UTP18: variants seen among roughly 807,000 people sequenced by gnomAD.
UTP18 encodes UTP18 small subunit processome component, also known as U3 small nucleolar RNA-associated protein 18 homolog.
Under a neutral mutation model 61.1 loss-of-function variants are expected in UTP18, and 36 were observed. The observed-to-expected ratio is 0.59, with a 90% confidence interval of 0.45 to 0.78. The LOEUF (loss-of-function observed/expected upper bound fraction) is 0.78, where lower values mean the gene tolerates loss of function less well. Ranked by LOEUF, UTP18 falls within the 30% of genes least tolerant of loss-of-function variation. UTP18 has a pLI of 0.00. For missense variants in UTP18, 753 were observed against 693.9 expected, an observed-to-expected ratio of 1.09 and a Z score of -0.96; for synonymous variants, 282 against 251.1, an observed-to-expected ratio of 1.12 and a Z score of -1.16.
intron 4 of UTP18, among the ~76,000 whole-genome samples, chr17:51,272,254 A>G (rs1192608332): frequency 2.0e-5 from 3 of 151,954 alleles, no homozygotes; most frequent in African/African-American, 7.3e-5. Context: ...ATAAGCCATC[A>G]TGCCCAGTTA....
In UTP18 at chr17:51,268,948, T is replaced by C. The variant is rs772439408; in HGVS notation, c.622+44T>C. 3 of 1,568,732 alleles carry C rather than the reference T, an allele frequency of 1.9e-6. No individual in the cohort carries two copies. The South Asian group carries it at 3.3e-5, about 17-fold the overall frequency. On this transcript the variant is annotated intron_variant, in intron 4 of 13. Transcript: ENST00000225298. Reference sequence around the variant, plus strand: ...GTTTAAATTAGTACATAAGTCCCTGTTCCTGTTCGTTATTATTTGAGCTTT... The same window carrying C: ...GTTTAAATTAGTACATAAGTCCCTGCTCCTGTTCGTTATTATTTGAGCTTT...
chr17:51,265,529 C>CTG, intron 2 of UTP18, among the ~76,000 whole-genome samples: 1 of 143,742 alleles, frequency 7.0e-6, no homozygotes, highest in Non-Finnish European at 1.5e-5. Context: ...TCCCAAAGTG[C>CTG]TGGGATTGCA....
rs554015891 is a variant in UTP18, at chr17:51,286,460, C to G, written c.1328+1092C>G. On this transcript the variant is annotated intron_variant, in intron 10 of 13. Transcript: ENST00000225298. The stretch of plus-strand genomic sequence containing the variant: ...CCAGAAACTTAGCATACTCTCTACT[C>G]TTTGTTCACTCTCTCCTTCCAGGTT... 32 of 456,202 alleles carry G rather than the reference C, an allele frequency of 7.0e-5. 1 individual carries two copies. The Middle Eastern group carries it at 1.6e-3, about 23-fold the overall frequency. The allele number at this position is 456,202 out of a possible 1,614,324, so 28.3% of individuals were successfully genotyped here.
In UTP18 at chr17:51,260,760, C is replaced by T. The variant is rs568030637; in HGVS notation, c.176C>T (p.Ala59Val). The change falls in exon 1 of 14, where the codon GCT becomes GTT. Residue 59 changes from alanine (A) to valine (V), a missense_variant. Transcript: ENST00000225298. Reference sequence around the variant, plus strand: ...CCGGCCCGGCCGAGCGCGGCGGCCGCTGCGATTGCAGTCGCGGCGGCGGAG... The same window carrying T: ...CCGGCCCGGCCGAGCGCGGCGGCCGTTGCGATTGCAGTCGCGGCGGCGGAG... ...KPPARPSAAA[A>V]AIAVAAAEEE... 133 of 1,582,280 alleles carry T rather than the reference C, an allele frequency of 8.4e-5. 2 individuals are homozygous for T. In the African/African-American group the frequency reaches 1.7e-3, roughly 20 times the overall value.
intron 1 of UTP18, among the ~76,000 whole-genome samples, chr17:51,262,458 A>AT (rs1382523636): frequency 3.9e-5 from 6 of 152,080 alleles, no homozygotes; most frequent in Admixed American, 3.3e-4. Flanking sequence ...TGGTATATTT[A>AT]TTTTTTACTT....
intron 7 of UTP18, among the ~76,000 whole-genome samples, chr17:51,278,812 A>G (rs1485105995): frequency 2.0e-5 from 3 of 152,224 alleles, no homozygotes; most frequent in African/African-American, 7.2e-5. Context: ...TACCCTTAAT[A>G]GGCATAGTGG....
chr17:51,271,284 A>G (rs930875794), intron 4 of UTP18, among the ~76,000 whole-genome samples: 1 of 152,058 alleles, frequency 6.6e-6, no homozygotes, highest in African/African-American at 2.4e-5. Flanking sequence ...TAATACGTAT[A>G]TTAAATGTCT....
At chr17:51,290,263 A>G (rs998096123) in intron 11 of UTP18, among the ~76,000 whole-genome samples, 1 of 152,130 alleles carries the variant, frequency 6.6e-6, no homozygotes, top group African/African-American at 2.4e-5. Context: ...TAAAATTACA[A>G]ATATTAGCTG....
intron 10 of UTP18, among the ~76,000 whole-genome samples, chr17:51,287,588 T>G (rs1318710528): frequency 1.3e-5 from 2 of 152,062 alleles, no homozygotes; most frequent in Non-Finnish European, 2.9e-5. Flanking sequence ...TTAGAAGAGA[T>G]AATATGCATG....
intron 11 of UTP18, among the ~76,000 whole-genome samples, chr17:51,289,191 G>GT (rs1274526091): frequency 1.6e-4 from 15 of 94,886 alleles, no homozygotes; most frequent in South Asian, 3.9e-4. Flanking sequence ...AGACCTTTCT[G>GT]TTTTTTTTGT....
chr17:51,277,346 A>C, intron 7 of UTP18, 42 bp downstream of exon 7: 1 of 1,603,300 alleles, frequency 6.2e-7, no homozygotes, highest in Non-Finnish European at 8.5e-7. Context: ...CATTCCCCCC[A>C]AGGTGAGTTT....
chr17:51,280,984 C>T (rs772844177), intron 9 of UTP18, among the ~76,000 whole-genome samples: 7 of 151,774 alleles, frequency 4.6e-5, no homozygotes, highest in Non-Finnish European at 1.0e-4. Context: ...TTAAGACCAG[C>T]CTGGCCAACA....
intron 1 of UTP18, among the ~76,000 whole-genome samples, chr17:51,261,239 C>T (rs1391980922): frequency 6.6e-6 from 1 of 152,250 alleles, no homozygotes; most frequent in African/African-American, 2.4e-5. Context: ...TCTTCCCAAA[C>T]TGAGGGTGGT....
chr17:51,279,933 A>G (rs374245189), intron 7 of UTP18, 72 bp from the exon 8 acceptor site: 4 of 1,243,856 alleles, frequency 3.2e-6, no homozygotes, highest in African/African-American at 1.5e-5. Flanking sequence ...TAAGAAACTC[A>G]TTTGTCAATA....
At chr17:51,265,299 T>TA (rs1167604561) in intron 2 of UTP18, among the ~76,000 whole-genome samples, 1 of 151,864 alleles carries the variant, frequency 6.6e-6, no homozygotes, top group Non-Finnish European at 1.5e-5. Context: ...GTTTTGCTCT[T>TA]CTTGCCTGGG....
intron 3 of UTP18, among the ~76,000 whole-genome samples, chr17:51,266,779 T>C (rs910821598): frequency 1.3e-5 from 2 of 152,184 alleles, no homozygotes; most frequent in Non-Finnish European, 1.5e-5. Context: ...CCTAAGAAAA[T>C]TAACAGTTTA....
intron 2 of UTP18, among the ~76,000 whole-genome samples, chr17:51,265,421 G>A (rs565670998): frequency 1.3e-5 from 2 of 151,570 alleles, no homozygotes; most frequent in South Asian, 2.1e-4. Context: ...CTGCCACCAC[G>A]CTGGACTAAT....
chr17:51,288,193 C>A lies in UTP18; in HGVS notation c.1493C>A (p.Ala498Glu). 1 of 1,583,924 alleles carries A rather than the reference C, an allele frequency of 6.3e-7. No homozygotes were observed. Among genetic ancestry groups the A allele is most frequent in the Non-Finnish European group, 8.5e-7 (1 of 1,171,858 alleles). The change falls in exon 11 of 14, where the codon GCA (alanine) becomes GAA (glutamate). Residue 498 changes from alanine (A) to glutamate (E), a missense_variant. Ala to Glu is a moderately radical substitution (Grantham distance 107, BLOSUM62 -1). Transcript: ENST00000225298. ...ATTGCTTCAGAAAAAATGAAAGAAG[C>A]AGTCAGATTGGTAAATATTTCATTA... ...LAIASEKMKE[A>E]VRLVHLPSCT...
At chr17:51,265,031 T>C (rs543239370) in intron 2 of UTP18, among the ~76,000 whole-genome samples, 40 of 152,288 alleles carry the variant, frequency 2.6e-4, no homozygotes, top group African/African-American at 9.4e-4. Context: ...TTGGAGACTT[T>C]TTAAATAATC....
Sources: gnomAD v4.1 joint callset for allele counts (sites outside exome capture counted in the v4.1 genomes callset) on GRCh38, gnomAD v4.1.1 for gene constraint, MANE v1.5 for transcripts, NCBI Gene and HGNC (gene_info 2026-07-23, HGNC 2026-07-21) for gene names.